The following MYRFL variants were observed in gnomAD, a reference collection of about 807,000 sequenced individuals.
MYRFL encodes myelin regulatory factor like, also known as myelin regulatory factor-like protein.
In MYRFL, 88 loss-of-function variants were observed where a neutral mutation model predicts 109.4. That is an observed-to-expected ratio of 0.80 (90% CI 0.68 to 0.96). The LOEUF (loss-of-function observed/expected upper bound fraction) is 0.96, where lower values mean the gene tolerates loss of function less well. MYRFL is among the 40% of genes least tolerant of loss of function. The probability of loss-of-function intolerance (pLI) is 0.00; values close to 1 mark genes in which losing one functional copy is unlikely to be tolerated. For synonymous variants in MYRFL, 324 were observed against 320.9 expected (o/e 1.01, Z -0.10); for missense variants, 957 against 954.9 (o/e 1.00, Z -0.03).
chr12:69,905,985 T>C (rs1398364310), intron 11 of MYRFL, among the ~76,000 whole-genome samples: 2 of 152,208 alleles, frequency 1.3e-5, no homozygotes, highest in African/African-American at 4.8e-5. Flanking sequence ...CTTGGTCAAT[T>C]TGATGGCATG....
At chr12:69,935,992 C>G in intron 16 of MYRFL, 121 bp from the exon 17 acceptor site, 1 of 1,213,842 alleles carries the variant, frequency 8.2e-7, no homozygotes, top group South Asian at 1.6e-5. Flanking sequence ...CCCCTCCCCC[C>G]TGCTCCCATC....
At chr12:69,877,814 A>G (rs1479030971) in intron 2 of MYRFL, among the ~76,000 whole-genome samples, 1 of 152,236 alleles carries the variant, frequency 6.6e-6, no homozygotes, top group African/African-American at 2.4e-5. Context: ...CTCTTCAAGC[A>G]AGAGAATCAA....
intron 15 of MYRFL, among the ~76,000 whole-genome samples, chr12:69,928,101 G>T (rs896472083): frequency 5.9e-5 from 9 of 152,180 alleles, no homozygotes; most frequent in Non-Finnish European, 1.2e-4. Context: ...GGCTTTAGGA[G>T]ATCCCAAAGG....
At chr12:69,880,353 G>C in intron 5 of MYRFL, 61 bp downstream of exon 5, 2 of 678,820 alleles carry the variant, frequency 2.9e-6, no homozygotes, top group Non-Finnish European at 5.4e-6. Flanking sequence ...TTAAAGCAAG[G>C]CTTTTTACCA....
intron 13 of MYRFL, among the ~76,000 whole-genome samples, chr12:69,924,320 G>A (rs1312478291): frequency 6.6e-6 from 1 of 151,240 alleles, no homozygotes; most frequent in Non-Finnish European, 1.5e-5. Flanking sequence ...TTTCCATTAT[G>A]TGTAACAATT....
intron 7 of MYRFL, among the ~76,000 whole-genome samples, chr12:69,893,284 C>T (rs1887025747): frequency 6.6e-6 from 1 of 152,202 alleles, no homozygotes; most frequent in South Asian, 2.1e-4. Context: ...AATGTTAATT[C>T]TTATGATTTG....
intron 9 of MYRFL, 140 bp downstream of exon 9, chr12:69,895,621 C>A: frequency 1.6e-6 from 1 of 627,460 alleles, no homozygotes; most frequent in Non-Finnish European, 2.8e-6. Flanking sequence ...CCTTCTCTGA[C>A]TCTCAGTTTA....
At chr12:69,871,955 A>G (rs558539094) in intron 2 of MYRFL, among the ~76,000 whole-genome samples, 4 of 152,088 alleles carry the variant, frequency 2.6e-5, no homozygotes, top group African/African-American at 7.2e-5. Context: ...TGTTCTCCCC[A>G]TTGTGTTCTA....
At chr12:69,952,257 G>A (rs1955996150) in intron 20 of MYRFL, 82 bp downstream of exon 20, 3 of 1,272,538 alleles carry the variant, frequency 2.4e-6, no homozygotes, top group South Asian at 1.3e-5. Flanking sequence ...TTGCTGGAGT[G>A]AGGAGCAGGG....
In MYRFL at chr12:69,844,599, G is replaced by A. The variant is rs565755876; in HGVS notation, c.47-10681G>A. On this transcript the variant is annotated intron_variant, in intron 1 of 24. Transcript: ENST00000552032. ...GGAGGCGGCGGGGCACGGGGCGGTC[G>A]TGAGAGCACGATCAGTAGCCTGGGT... Among the ~76,000 whole-genome samples, 396 of 152,280 alleles carry A rather than the reference G, an allele frequency of 2.6e-3. 1 individual carries two copies. Among genetic ancestry groups the A allele is most frequent in the Non-Finnish European group, 2.3e-3 (156 of 68,018 alleles).
Position 69,891,637 on chromosome 12 carries a change from T to TTCTCTTTCTTTCTTTCTTTCTTTC in MYRFL, c.903+472_903+473insCTCTTTCTTTCTTTCTTTCTTTCT. On this transcript the variant is annotated intron_variant, in intron 7 of 24. Coordinates refer to ENST00000552032, the MANE Select transcript of MYRFL (RefSeq NM_182530.3). ...TTTCTTTCTTTCCTCCTTCCTTTCT[T>TTCTCTTTCTTTCTTTCTTTCTTTC]TTTCTTTCTTTCTTTCTTTCTTTCT... is the stretch of plus-strand genomic sequence containing the variant. 9.5e-4 allele frequency among the ~76,000 whole-genome samples: 51 copies of TTCTCTTTCTTTCTTTCTTTCTTTC among 53,836 alleles called. 3 individuals are homozygous for TTCTCTTTCTTTCTTTCTTTCTTTC. The highest frequency in any genetic ancestry group is 3.9e-3 in the South Asian group (6 of 1,522). 35.3% of individuals were successfully genotyped at this position (53,836 alleles called of 152,430 possible).
intron 5 of MYRFL, among the ~76,000 whole-genome samples, chr12:69,884,211 A>G (rs1341499822): frequency 6.6e-6 from 1 of 152,232 alleles, no homozygotes; most frequent in Non-Finnish European, 1.5e-5. Context: ...ATGGAATACT[A>G]TGTAATGTGT....
At chr12:69,891,637 T>TTCTTTCTTTC in intron 7 of MYRFL, among the ~76,000 whole-genome samples, 23 of 53,806 alleles carry the variant, frequency 4.3e-4, no homozygotes, top group African/African-American at 6.8e-4. Context: ...CTTCCTTTCT[T>TTCTTTCTTTC]TTTCTTTCTT....
intron 6 of MYRFL, among the ~76,000 whole-genome samples, chr12:69,887,333 T>A (rs779933892): frequency 2.6e-5 from 4 of 152,172 alleles, no homozygotes; most frequent in Middle Eastern, 3.2e-3. Flanking sequence ...AAAATACTTT[T>A]CTGGGGGCCA....
intron 7 of MYRFL, among the ~76,000 whole-genome samples, chr12:69,891,756 CAG>C (rs1431281991): frequency 6.6e-6 from 1 of 150,484 alleles, no homozygotes; most frequent in East Asian, 2.0e-4. Flanking sequence ...TGGAGCACAG[CAG>C]CATGATTATG....
chr12:69,878,269 A>C (rs1039562200), intron 2 of MYRFL, among the ~76,000 whole-genome samples: 1 of 148,408 alleles, frequency 6.7e-6, no homozygotes, highest in Non-Finnish European at 1.5e-5. Context: ...AATTACTTGC[A>C]CTTCAATATA....
At chr12:69,831,918 A>G (rs1335903882) in intron 1 of MYRFL, among the ~76,000 whole-genome samples, 1 of 152,148 alleles carries the variant, frequency 6.6e-6, no homozygotes, top group Non-Finnish European at 1.5e-5. Context: ...AAGAATTGCA[A>G]TTTGGAGCAT....
At chr12:69,829,117 G>A (rs1026474754) in intron 1 of MYRFL, among the ~76,000 whole-genome samples, 2 of 152,068 alleles carry the variant, frequency 1.3e-5, no homozygotes, top group Non-Finnish European at 2.9e-5. Flanking sequence ...TGGCTCACTT[G>A]TTGAGGTTTG....
intron 16 of MYRFL, 31 bp from the exon 17 acceptor site, chr12:69,936,082 T>G (rs1045525557): frequency 1.5e-5 from 15 of 995,996 alleles, no homozygotes; most frequent in Middle Eastern, 2.5e-4. Context: ...CATAATGTTT[T>G]TTTTTTTTTT....
Sources: allele counts gnomAD v4.1 joint callset (sites outside exome capture counted in the v4.1 genomes callset), GRCh38; gene constraint gnomAD v4.1.1; transcripts MANE v1.5; gene names NCBI Gene and HGNC (gene_info 2026-07-23, HGNC 2026-07-21).